Variants in FHIT observed in about 807,000 individuals in gnomAD.
FHIT encodes bis(5'-adenosyl)-triphosphatase.
Under a neutral mutation model 17.9 loss-of-function variants are expected in FHIT, and 19 were observed. The observed-to-expected ratio is 1.06, with a 90% CI of 0.74 to 1.56. The LOEUF is 1.56. Among genes scored for constraint, FHIT ranks in the 40% most tolerant of loss-of-function variants. FHIT has a pLI of 0.00. For missense variants in FHIT, 248 were observed against 189.2 expected (o/e 1.31, Z -1.82); for synonymous variants, 81 against 69.7 (o/e 1.16, Z -0.81).
In FHIT at chr3:60,027,277, CTG is replaced by C. The variant is rs533363621; in HGVS notation, c.104-13127_104-13126del. 5.1e-4 allele frequency among the ~76,000 whole-genome samples: 78 copies of C among 152,020 alleles called. 3 individuals are homozygous for C. The South Asian group carries it at 0.016, about 30-fold the overall frequency. ...TAAGCATGCCTAAGGAAAAAGAAAA[CTG>C]TGGAAACAAAACAAATGTTCTGGCA... On this transcript the variant is annotated intron_variant, in intron 5 of 9. Coordinates refer to ENST00000492590, the MANE Select transcript of FHIT (RefSeq NM_002012.4).
intron 5 of FHIT, among the ~76,000 whole-genome samples, chr3:60,051,900 C>T (rs115067189): frequency 1.9e-4 from 29 of 152,276 alleles, no homozygotes; most frequent in African/African-American, 6.5e-4. Context: ...CTGACCCACT[C>T]TGTGAAACAA....
intron 2 of FHIT, among the ~76,000 whole-genome samples, chr3:61,178,224 A>G (rs2107158015): frequency 6.6e-6 from 1 of 152,162 alleles, no homozygotes; most frequent in East Asian, 1.9e-4. Flanking sequence ...CATTCTGTTG[A>G]ATGAAACCAT....
intron 8 of FHIT, among the ~76,000 whole-genome samples, chr3:59,777,287 G>A (rs571440248): frequency 7.9e-5 from 12 of 151,932 alleles, no homozygotes; most frequent in Non-Finnish European, 7.4e-5. Context: ...AGCCTGGAAC[G>A]TTTAATGAGT....
At chr3:60,973,201 G>T (rs1425561039) in intron 3 of FHIT, among the ~76,000 whole-genome samples, 2 of 152,140 alleles carry the variant, frequency 1.3e-5, no homozygotes, top group African/African-American at 4.8e-5. Context: ...CTTCTGGCAG[G>T]CAGATAGAGT....
intron 5 of FHIT, among the ~76,000 whole-genome samples, chr3:60,182,913 TAA>T (rs561013009): frequency 5.1e-4 from 69 of 136,528 alleles, no homozygotes; most frequent in Admixed American, 4.4e-4. Flanking sequence ...AATGGAGGGT[TAA>T]AAAAAAAAAA....
intron 3 of FHIT, among the ~76,000 whole-genome samples, chr3:60,983,687 C>G (rs1324711613): frequency 6.6e-6 from 1 of 152,108 alleles, no homozygotes; most frequent in East Asian, 1.9e-4. Flanking sequence ...GGAGGATGGC[C>G]TAAACTAAGT....
chr3:60,472,741 T>G (rs920204009), intron 5 of FHIT, among the ~76,000 whole-genome samples: 1 of 152,194 alleles, frequency 6.6e-6, no homozygotes, highest in African/African-American at 2.4e-5. Flanking sequence ...AAAATAAAAA[T>G]TGTTTTTAAT....
intron 5 of FHIT, among the ~76,000 whole-genome samples, chr3:60,482,239 A>G (rs1482555754): frequency 6.6e-6 from 1 of 152,146 alleles, no homozygotes; most frequent in Non-Finnish European, 1.5e-5. Context: ...AGACTTTAAC[A>G]CCATACTGTT....
At chr3:60,749,974 C>T (rs1422057584) in intron 4 of FHIT, among the ~76,000 whole-genome samples, 1 of 152,172 alleles carries the variant, frequency 6.6e-6, no homozygotes, top group African/African-American at 2.4e-5. Context: ...TTTTCTATGT[C>T]ATTTTATGAC....
At chr3:59,873,403 A>G (rs1703009182) in intron 8 of FHIT, among the ~76,000 whole-genome samples, 1 of 152,126 alleles carries the variant, frequency 6.6e-6, no homozygotes, top group African/African-American at 2.4e-5. Context: ...TTCTAACAAA[A>G]CACTTCCCTG....
intron 5 of FHIT, among the ~76,000 whole-genome samples, chr3:60,418,599 C>G (rs1228191967): frequency 7.7e-6 from 1 of 130,382 alleles, no homozygotes; most frequent in Non-Finnish European, 1.6e-5. Context: ...GCAGAGCTGG[C>G]AGCAGACATT....
intron 5 of FHIT, among the ~76,000 whole-genome samples, chr3:60,061,640 T>TA (rs1465870947): frequency 6.6e-6 from 1 of 152,254 alleles, no homozygotes; most frequent in Non-Finnish European, 1.5e-5. Context: ...CCACAAGTTT[T>TA]ACATCATAGA....
At chr3:61,206,831 C>T (rs749490364) in intron 1 of FHIT, among the ~76,000 whole-genome samples, 6 of 152,188 alleles carry the variant, frequency 3.9e-5, no homozygotes, top group Non-Finnish European at 5.9e-5. Flanking sequence ...GCCTGATTGC[C>T]CTGGACAGAA....
chr3:60,838,470 TCAAAAACAAAAA>T (rs564398391), intron 3 of FHIT, among the ~76,000 whole-genome samples: 1 of 152,078 alleles, frequency 6.6e-6, no homozygotes, highest in Non-Finnish European at 1.5e-5. Context: ...AGACTCCGTC[TCAAAAACAAAAA>T]CAAAAACAAA....
intron 3 of FHIT, among the ~76,000 whole-genome samples, chr3:60,999,728 A>C (rs1273784479): frequency 3.3e-5 from 5 of 152,048 alleles, no homozygotes; most frequent in Non-Finnish European, 5.9e-5. Flanking sequence ...AGGTGAGCTG[A>C]AGGAGAAGTC....
chr3:60,408,304 T>G (rs1242526144), intron 5 of FHIT, among the ~76,000 whole-genome samples: 1 of 152,116 alleles, frequency 6.6e-6, no homozygotes, highest in Non-Finnish European at 1.5e-5. Context: ...GGCATAGACT[T>G]GAACATTTAA....
intron 3 of FHIT, among the ~76,000 whole-genome samples, chr3:60,969,968 G>A (rs1305684823): frequency 6.6e-6 from 1 of 152,056 alleles, no homozygotes; most frequent in Admixed American, 6.6e-5. Flanking sequence ...AGGCTCAAGT[G>A]ATCCTCCCAC....
chr3:59,855,086 A>G (rs1702099064), intron 8 of FHIT, among the ~76,000 whole-genome samples: 1 of 152,236 alleles, frequency 6.6e-6, no homozygotes, highest in African/African-American at 2.4e-5. Context: ...TGGATCTATC[A>G]TAACTGTAAC....
At chr3:60,427,135 T>C in intron 5 of FHIT, among the ~76,000 whole-genome samples, 1 of 152,062 alleles carries the variant, frequency 6.6e-6, no homozygotes, top group East Asian at 1.9e-4. Flanking sequence ...AAGAAATAAT[T>C]CAAAGCCTAA....
Sources: allele counts gnomAD v4.1 joint callset (sites outside exome capture counted in the v4.1 genomes callset), GRCh38; gene constraint gnomAD v4.1.1; transcripts MANE v1.5; gene names NCBI Gene and HGNC (gene_info 2026-07-23, HGNC 2026-07-21).